The following ZNF614 variants were observed in gnomAD, a reference collection of about 807,000 sequenced individuals.
ZNF614 encodes the protein zinc finger protein 614.
In ZNF614, 11 loss-of-function variants were observed where a neutral mutation model predicts 12.8. The ratio of observed to expected loss-of-function variants is 0.86; its 90% confidence interval spans 0.54 to 1.43. ZNF614 has a LOEUF of 1.43. ZNF614 is among the 40% of genes most tolerant of loss of function. The probability of loss-of-function intolerance (pLI) is 0.00; values close to 1 mark genes in which losing one functional copy is unlikely to be tolerated. For missense variants in ZNF614, 664 were observed against 708.8 expected (o/e 0.94, Z 0.72); for synonymous variants, 237 against 237.5 (o/e 1.00, Z 0.02).
chr19:52,028,042 C>T (rs2086986724), intron 1 of ZNF614, among the ~76,000 whole-genome samples, 200 bp downstream of exon 1: 1 of 152,230 alleles, frequency 6.6e-6, no homozygotes, highest in African/African-American at 2.4e-5. Flanking sequence ...TAAAGGGTGA[C>T]TCACAAGGGC....
At chr19:52,027,303 C>G (rs1156508053) in intron 1 of ZNF614, among the ~76,000 whole-genome samples, 1 of 152,222 alleles carries the variant, frequency 6.6e-6, no homozygotes, top group African/African-American at 2.4e-5. Flanking sequence ...TACCTCGTGT[C>G]AAGACCAATG....
At chr19:52,020,838 G>GCCCA (rs1384284353) in intron 2 of ZNF614, among the ~76,000 whole-genome samples, 2 of 152,232 alleles carry the variant, frequency 1.3e-5, no homozygotes, top group East Asian at 3.9e-4. Context: ...CTCATAACTT[G>GCCCA]GGTAATTACA....
intron 1 of ZNF614, among the ~76,000 whole-genome samples, chr19:52,027,042 G>C (rs554938624): frequency 6.6e-6 from 1 of 152,178 alleles, no homozygotes; most frequent in Non-Finnish European, 1.5e-5. Flanking sequence ...TGGGTCCTCC[G>C]TATGCTGAGT....
chr19:52,023,344 T>G (rs2086945544), intron 2 of ZNF614, among the ~76,000 whole-genome samples: 1 of 151,888 alleles, frequency 6.6e-6, no homozygotes, highest in African/African-American at 2.4e-5. Context: ...AATTTTTGTA[T>G]TTTTAGTAGA....
At position 52,021,847 on chromosome 19, in the gene ZNF614, T is replaced by G. The variant is rs150429795; in HGVS notation, c.16-3353A>C. On this transcript the variant is annotated intron_variant, in intron 2 of 4. Coordinates refer to ENST00000270649, the MANE Select transcript of ZNF614 (RefSeq NM_025040.4). ...TATTTTGAACAAGCTAAAAGAGAAG[T>G]AAGACTCTAGAAAAATATTTGCAAC... Among the ~76,000 whole-genome samples, 489 of 152,112 alleles carry G rather than the reference T, an allele frequency of 3.2e-3. 5 individuals carry two copies. The highest frequency in any genetic ancestry group is 0.011 in the African/African-American group (466 of 41,508).
At chr19:52,027,591 C>T (rs2086983532) in intron 1 of ZNF614, among the ~76,000 whole-genome samples, 1 of 152,100 alleles carries the variant, frequency 6.6e-6, no homozygotes, top group Admixed American at 6.5e-5. Flanking sequence ...CATAGGCAGT[C>T]AATTGTGTGT....
chr19:52,015,714 G>A lies in ZNF614; in HGVS notation c.*126C>T. ...ACCTCCTGAGGACAGACACACATCT[G>A]TCAACAGGCAGCACCATGTTTATGT... On this transcript the variant is annotated 3_prime_UTR_variant, in exon 5 of 5. Coordinates refer to ENST00000270649, the MANE Select transcript of ZNF614 (RefSeq NM_025040.4). 1 of 902,090 alleles carries A rather than the reference G, an allele frequency of 1.1e-6. No homozygotes were observed. The highest frequency in any genetic ancestry group is 1.7e-6 in the Non-Finnish European group (1 of 588,108). 55.9% of individuals were successfully genotyped at this position (902,090 alleles called of 1,614,324 possible).
intron 4 of ZNF614, 145 bp from the exon 5 acceptor site, chr19:52,017,504 C>A: frequency 2.9e-6 from 2 of 693,384 alleles, no homozygotes; most frequent in Non-Finnish European, 4.7e-6. Context: ...GAGTTCAAGA[C>A]CAGCCTGACC....
rs115605807 is a variant in ZNF614, at chr19:52,016,164, T to C, written c.1434A>G (p.Thr478=). The C allele has an allele frequency of 7.4e-4, 1,193 of 1,614,224 alleles. 13 individuals carry two copies. In the African/African-American group the frequency reaches 0.014, roughly 19 times the overall value. Residue 478 remains threonine (T), a synonymous_variant, in exon 5 of 5, where the codon ACA becomes ACG. Coordinates refer to ENST00000270649, the MANE Select transcript of ZNF614 (RefSeq NM_025040.4). ...CGGTACATACAAAGGGAGTCTTTCCTGTATGACATCTCTCATGTTGTATGA... is the reference window on the plus strand; with the variant it reads ...CGGTACATACAAAGGGAGTCTTTCCCGTATGACATCTCTCATGTTGTATGA... ...ICLIQHERCH[T]GKTPFVCTEC...
chr19:52,024,766 C>T (rs138484445), intron 2 of ZNF614, among the ~76,000 whole-genome samples: 2,528 of 152,300 alleles, frequency 0.017, 78 homozygotes, highest in African/African-American at 0.058. Context: ...CCCAGGGACA[C>T]AACACACTGC....
Position 52,016,512 on chromosome 19 carries a change from C to T in ZNF614, c.1086G>A (p.Gln362=). The T allele has an allele frequency of 1.2e-6, 2 of 1,614,010 alleles. No homozygotes were observed. Among genetic ancestry groups the T allele is most frequent in the East Asian group, 2.2e-5 (1 of 44,868 alleles). The part of the protein sequence containing the change: ...FTMKRYLVVH[Q]RTHTGEKPYM... The stretch of plus-strand genomic sequence containing the variant: ...AGGGTTTCTCTCCAGTATGAGTTCG[C>T]TGATGTACAACAAGATAGCGCTTCA... The change falls in exon 5 of 5, where the codon CAG becomes CAA. Residue 362 remains glutamine, a synonymous_variant. Transcript: ENST00000270649.
intron 2 of ZNF614, among the ~76,000 whole-genome samples, chr19:52,020,606 C>G (rs1053530475): frequency 6.6e-6 from 1 of 152,146 alleles, no homozygotes; most frequent in Non-Finnish European, 1.5e-5. Context: ...AAGCATTGCC[C>G]ATGTAGCTGA....
rs1189741466 is a variant in ZNF614, at chr19:52,018,426, A to T, written c.84T>A (p.Ala28=). 1 of 1,614,168 alleles carries T rather than the reference A, an allele frequency of 6.2e-7. No individual in the cohort carries two copies. Among genetic ancestry groups the T allele is most frequent in the Admixed American group, 1.7e-5 (1 of 60,018 alleles). The change falls in exon 3 of 5, where the codon GCT becomes GCA. Residue 28 remains alanine, a synonymous_variant. Transcript: ENST00000270649. ...SWEEWQLLDT[A]QKNLYRDVMV... Reference sequence around the variant, plus strand: ...TCACATCCCGGTACAGGTTCTTCTGAGCAGTGTCCAGGAGCTGCCACTCCT... The same window carrying T: ...TCACATCCCGGTACAGGTTCTTCTGTGCAGTGTCCAGGAGCTGCCACTCCT...
Position 52,015,000 on chromosome 19 carries a change from C to G in ZNF614, c.*840G>C, listed in dbSNP as rs1600033410. 6.6e-6 allele frequency: 1 copy of G among 152,094 alleles called. No homozygotes were observed. Among genetic ancestry groups the G allele is most frequent in the South Asian group, 2.1e-4 (1 of 4,826 alleles). The allele number at this position is 152,094 out of a possible 1,614,324, so 9.4% of individuals were successfully genotyped here. A position where few individuals can be genotyped will look rare whatever the true frequency, so the allele number is the denominator to read the frequency against. On this transcript the variant is annotated 3_prime_UTR_variant, in exon 5 of 5. Transcript: ENST00000270649. The stretch of plus-strand genomic sequence containing the variant: ...ACCAAATGTATTTCTCATTATACCA[C>G]AATTTTACACAACAGTAAAAATAAA...
intron 1 of ZNF614, among the ~76,000 whole-genome samples, chr19:52,026,951 T>C (rs2086979208): frequency 6.6e-6 from 1 of 152,208 alleles, no homozygotes; most frequent in Non-Finnish European, 1.5e-5. Flanking sequence ...ATTACCTTAT[T>C]GTCCTGCCAC....
Position 52,025,932 on chromosome 19 carries a change from A to G in ZNF614, c.-187T>C. 1.6e-6 allele frequency: 1 copy of G among 618,676 alleles called. No homozygotes were observed. The highest frequency in any genetic ancestry group is 2.8e-6 in the Non-Finnish European group (1 of 359,336). The allele number at this position is 618,676 out of a possible 1,614,324, so 38.3% of individuals were successfully genotyped here. A position where few individuals can be genotyped will look rare whatever the true frequency, so the allele number is the denominator to read the frequency against. On this transcript the variant is annotated 5_prime_UTR_variant, in exon 2 of 5. It removes the in-frame stop codon of an upstream open reading frame in the 5' UTR. Coordinates refer to ENST00000270649, the MANE Select transcript of ZNF614 (RefSeq NM_025040.4). Reference sequence around the variant, plus strand: ...CTTCCTTCATTGCTTCACTTGAGTTATTTTGCTTCTGGGAGCCAGGACCTG... The same window carrying G: ...CTTCCTTCATTGCTTCACTTGAGTTGTTTTGCTTCTGGGAGCCAGGACCTG...
intron 2 of ZNF614, among the ~76,000 whole-genome samples, chr19:52,021,521 G>C (rs1170558416): frequency 6.6e-6 from 1 of 152,142 alleles, no homozygotes; most frequent in Non-Finnish European, 1.5e-5. Context: ...AGGAGAGTTT[G>C]AGCCCAGGAG....
intron 2 of ZNF614, among the ~76,000 whole-genome samples, chr19:52,021,717 C>T (rs538038145): frequency 5.4e-4 from 80 of 148,546 alleles, no homozygotes; most frequent in East Asian, 3.7e-3. Context: ...GGGAAGAGGG[C>T]GAGTCCCTGT....
chr19:52,021,186 T>A (rs1197039725), intron 2 of ZNF614, among the ~76,000 whole-genome samples: 1 of 152,120 alleles, frequency 6.6e-6, no homozygotes, highest in Non-Finnish European at 1.5e-5. Context: ...CATTTCTCAT[T>A]CTGGAAATGA....
Sources: allele counts gnomAD v4.1 joint callset (sites outside exome capture counted in the v4.1 genomes callset), GRCh38; gene constraint gnomAD v4.1.1; transcripts MANE v1.5; gene names NCBI Gene and HGNC (gene_info 2026-07-23, HGNC 2026-07-21).